The following RBL2 variants were observed in gnomAD, a reference collection of about 807,000 sequenced individuals.
RBL2 encodes RB transcriptional corepressor like 2.
RBL2 carries 56 observed loss-of-function variants against 126.0 expected under a neutral mutation model. That is an observed-to-expected ratio of 0.44 (90% confidence interval 0.36 to 0.56). The LOEUF (loss-of-function observed/expected upper bound fraction) is 0.56. Among genes scored for constraint, RBL2 ranks in the 20% least tolerant of loss-of-function variants. The pLI is 0.00. For synonymous variants in RBL2, 454 were observed against 478.5 expected (o/e 0.95, Z 0.67); for missense variants, 1,229 against 1,398.2 (o/e 0.88, Z 1.93).
intron 14 of RBL2, among the ~76,000 whole-genome samples, chr16:53,468,515 A>C (rs2058291627): frequency 6.6e-6 from 1 of 152,142 alleles, no homozygotes; most frequent in Non-Finnish European, 1.5e-5. Context: ...TCCCTAATCT[A>C]CAGATTAGGA....
At chr16:53,463,395 C>T (rs1478064534) in intron 11 of RBL2, among the ~76,000 whole-genome samples, 4 of 151,938 alleles carry the variant, frequency 2.6e-5, no homozygotes, top group Non-Finnish European at 4.4e-5. Context: ...GGTGCAATCT[C>T]GGCTCACTGC....
intron 17 of RBL2, among the ~76,000 whole-genome samples, chr16:53,478,295 A>G (rs541173999): frequency 6.6e-6 from 1 of 152,138 alleles, no homozygotes; most frequent in East Asian, 1.9e-4. Context: ...TTACTGTGAT[A>G]TATCTGGGTA....
At chr16:53,436,374 A>C (rs1160969078) in intron 1 of RBL2, among the ~76,000 whole-genome samples, 1 of 152,184 alleles carries the variant, frequency 6.6e-6, no homozygotes, top group Non-Finnish European at 1.5e-5. Context: ...TTATTTTTGA[A>C]AACATGTTTG....
rs934814301 is a variant in RBL2, at chr16:53,476,726, T to C, written c.2704-2428T>C. Among the ~76,000 whole-genome samples the C allele has an allele frequency of 2.0e-5, 3 of 152,252 alleles. No individual in the cohort carries two copies. The East Asian group carries it at 5.8e-4, about 29-fold the overall frequency. On this transcript the variant is annotated intron_variant, in intron 17 of 21. Transcript: ENST00000262133. ...TGATGGCTTGATCCTTTTATCATTA[T>C]GGAATGTCCCTTTTTAATAACTTTT...
At chr16:53,472,507 T>A (rs183383574) in intron 17 of RBL2, among the ~76,000 whole-genome samples, 455 of 152,372 alleles carry the variant, frequency 3.0e-3, no homozygotes, top group Non-Finnish European at 4.8e-3. Flanking sequence ...TAACTAAGGA[T>A]GTCAAGCATC....
At chr16:53,448,347 C>G (rs375018128) in intron 4 of RBL2, among the ~76,000 whole-genome samples, 3 of 151,738 alleles carry the variant, frequency 2.0e-5, no homozygotes, top group African/African-American at 4.8e-5. Context: ...TTAGTAGAGA[C>G]GGAGTTTCAC....
intron 3 of RBL2, among the ~76,000 whole-genome samples, chr16:53,446,457 T>C (rs1026780938): frequency 9.2e-5 from 14 of 152,208 alleles, no homozygotes; most frequent in African/African-American, 3.4e-4. Context: ...ACAGATTTCT[T>C]GTCTAAAAGT....
Position 53,435,640 on chromosome 16 carries a change from G to A in RBL2, c.240+844G>A, listed in dbSNP as rs187428673. 188 of 1,287,564 alleles carry A rather than the reference G, an allele frequency of 1.5e-4. 1 individual carries two copies. The highest frequency in any genetic ancestry group is 1.2e-3 in the East Asian group (22 of 18,026). 79.8% of individuals were successfully genotyped at this position (1,287,564 alleles called of 1,614,324 possible). On this transcript the variant is annotated intron_variant, in intron 1 of 21. Coordinates refer to ENST00000262133, the MANE Select transcript of RBL2 (RefSeq NM_005611.4). Reference sequence around the variant, plus strand: ...GATTGTTTATCAGCTGTTTGACTGTGTGTGTGGCATTTAAACCTGAGGCCA... The same window carrying A: ...GATTGTTTATCAGCTGTTTGACTGTATGTGTGGCATTTAAACCTGAGGCCA...
At chr16:53,462,178 C>T (rs2058228068) in intron 10 of RBL2, among the ~76,000 whole-genome samples, 2 of 152,090 alleles carry the variant, frequency 1.3e-5, no homozygotes, top group African/African-American at 4.8e-5. Context: ...CTGTTATGGG[C>T]CCAAACCTGG....
chr16:53,481,632 T>C, intron 20 of RBL2, 39 bp from the exon 21 acceptor site: 1 of 1,449,744 alleles, frequency 6.9e-7, no homozygotes, highest in South Asian at 1.3e-5. Flanking sequence ...TAATTATAAA[T>C]TTTTTTCTTA....
chr16:53,435,549 C>A, intron 1 of RBL2: 1 of 1,201,838 alleles, frequency 8.3e-7, no homozygotes, highest in Non-Finnish European at 1.1e-6. Flanking sequence ...GCCATTCTAG[C>A]CAGTGAGTGT....
intron 20 of RBL2, 89 bp downstream of exon 20, chr16:53,480,858 C>A: frequency 7.5e-7 from 1 of 1,341,978 alleles, no homozygotes; most frequent in Non-Finnish European, 1.0e-6. Flanking sequence ...TTCACCTGGT[C>A]CGTATATAAA....
intron 1 of RBL2, among the ~76,000 whole-genome samples, chr16:53,437,399 G>A (rs2057969011): frequency 6.6e-6 from 1 of 151,560 alleles, no homozygotes; most frequent in Non-Finnish European, 1.5e-5. Context: ...AAAAAAGGAA[G>A]AATTTCCAGT....
chr16:53,434,586 GC>G lies in RBL2; in HGVS notation c.35del (p.Pro12ArgfsTer62). The G allele has an allele frequency of 1.3e-6, 2 of 1,538,054 alleles. No individual in the cohort carries two copies. The highest frequency in any genetic ancestry group is 2.5e-5 in the East Asian group (1 of 40,754). ...CGTCGGGAGGTGACCAGTCGCCACC[GC>G]CCCCGCCTCCCCCTCCGGCGGCGGC... Reference protein sequence around the residue: MPSGGDQSPPPPPPPPAAAAS... With the variant: MPSGGDQSPPXPPPPPAAAAS... On this transcript the variant is annotated frameshift_variant, in exon 1 of 22. Coordinates refer to ENST00000262133, the MANE Select transcript of RBL2 (RefSeq NM_005611.4). LOFTEE classifies it high-confidence loss of function.
At chr16:53,449,352 A>C (rs1040200285) in intron 4 of RBL2, 3 of 152,038 alleles carry the variant, frequency 2.0e-5, no homozygotes, top group Admixed American at 6.5e-5. Flanking sequence ...TTCTCACTGG[A>C]CCTGTTGGGG....
chr16:53,470,528 A>G lies in RBL2; in HGVS notation c.2391A>G (p.Thr797=), dbSNP rs2073823527. ...GSLSSQQVTG[T]TLQVPGQVAI... Reference sequence around the variant, plus strand: ...TGAGCTCTCAACAGGTGACAGGAACAACTTTGCAAGTCCCTGGTCAAGTGG... The same window carrying G: ...TGAGCTCTCAACAGGTGACAGGAACGACTTTGCAAGTCCCTGGTCAAGTGG... Residue 797 remains threonine (T), a synonymous_variant, in exon 16 of 22, where the codon ACA becomes ACG. Transcript: ENST00000262133. The G allele has an allele frequency of 6.2e-7, 1 of 1,614,180 alleles. No homozygotes were observed. Among genetic ancestry groups the G allele is most frequent in the Non-Finnish European group, 8.5e-7 (1 of 1,180,036 alleles).
intron 14 of RBL2, among the ~76,000 whole-genome samples, chr16:53,468,479 T>TA (rs2058291392): frequency 6.6e-6 from 1 of 152,228 alleles, no homozygotes; most frequent in Admixed American, 6.5e-5. Context: ...TGGTCTTTCT[T>TA]AGTCTATTTT....
Position 53,465,475 on chromosome 16 carries a change from G to A in RBL2, c.1736G>A (p.Cys579Tyr). 2 of 1,581,648 alleles carry A rather than the reference G, an allele frequency of 1.3e-6. No homozygotes were observed. The highest frequency in any genetic ancestry group is 1.7e-6 in the Non-Finnish European group (2 of 1,165,174). ...EVFIRAEDGL[C>Y]REVVKHLNQI... is the part of the protein sequence containing the mutation. ...TTCATTAGAGCAGAAGATGGCCTTT[G>A]TAGAGAGGTGGTAAAACACCTTAAT... Residue 579 changes from cysteine to tyrosine, a missense_variant, in exon 13 of 22, where the codon TGT becomes TAT. Physicochemically the swap from Cys to Tyr is radical, Grantham distance 194 (BLOSUM62 -2). Transcript: ENST00000262133.
In RBL2 at chr16:53,457,258, C is replaced by CTTTTTTTTTTTT. The variant is rs756763534; in HGVS notation, c.1180-2185_1180-2174dup. Reference sequence around the variant, plus strand: ...GGGTCATCAGGGTGGGTACAGATAGCTTTTTTTTTTTTTTTTTTTGAGATG... The same window carrying CTTTTTTTTTTTT: ...GGGTCATCAGGGTGGGTACAGATAGCTTTTTTTTTTTTTTTTTTTTTTTTTTTTTTTGAGATG... On this transcript the variant is annotated intron_variant, in intron 8 of 21. Coordinates refer to ENST00000262133, the MANE Select transcript of RBL2 (RefSeq NM_005611.4). 5.8e-3 allele frequency among the ~76,000 whole-genome samples: 523 copies of CTTTTTTTTTTTT among 89,914 alleles called. 100 individuals are homozygous for CTTTTTTTTTTTT. Among genetic ancestry groups the CTTTTTTTTTTTT allele is most frequent in the African/African-American group, 0.029 (486 of 16,702 alleles). The allele number at this position is 89,914 out of a possible 152,430, so 59.0% of individuals were successfully genotyped here.
Sources: allele counts gnomAD v4.1 joint callset (sites outside exome capture counted in the v4.1 genomes callset), GRCh38; gene constraint gnomAD v4.1.1; transcripts MANE v1.5; gene names NCBI Gene and HGNC (gene_info 2026-07-23, HGNC 2026-07-21).